Variants in ZGRF1 observed in about 807,000 individuals in gnomAD.
ZGRF1 encodes zinc finger GRF-type containing 1, also known as 5'-3' DNA helicase ZGRF1.
A neutral mutation model predicts 203.5 loss-of-function variants in ZGRF1; 196 were observed. The observed-to-expected ratio is 0.96, with a 90% CI of 0.86 to 1.08. The LOEUF (loss-of-function observed/expected upper bound fraction) is 1.08, where lower values mean the gene tolerates loss of function less well. Among genes scored for constraint, ZGRF1 ranks in the 50% least tolerant of loss-of-function variants. The probability of loss-of-function intolerance (pLI) is 0.00; values close to 1 mark genes in which losing one functional copy is unlikely to be tolerated. For synonymous variants in ZGRF1, 809 were observed against 841.3 expected, an observed-to-expected ratio of 0.96 and a Z score of 0.66; for missense variants, 2,326 against 2,416.3, an observed-to-expected ratio of 0.96 and a Z score of 0.78.
chr4:112,619,857 TC>T (rs1260409871), intron 5 of ZGRF1, 144 bp downstream of exon 5: 10 of 911,300 alleles, frequency 1.1e-5, no homozygotes, highest in African/African-American at 1.7e-5. Context: ...ATAAGATTTT[TC>T]AAAGTAGGGT....
chr4:112,623,964 A>G (rs940054578), intron 3 of ZGRF1, 88 bp from the exon 4 acceptor site: 8 of 680,078 alleles, frequency 1.2e-5, no homozygotes, highest in Middle Eastern at 2.4e-4. Flanking sequence ...TAATTGTTAT[A>G]TAAGTAATCA....
At chr4:112,586,001 G>C (rs1477518752) in intron 13 of ZGRF1, among the ~76,000 whole-genome samples, 1 of 152,038 alleles carries the variant, frequency 6.6e-6, no homozygotes, top group Non-Finnish European at 1.5e-5. Context: ...ACTTTGGGAG[G>C]CCAAGGCGAG....
intron 22 of ZGRF1, among the ~76,000 whole-genome samples, chr4:112,549,940 C>G (rs1220262519): frequency 6.6e-6 from 1 of 152,136 alleles, no homozygotes; most frequent in African/African-American, 2.4e-5. Context: ...AGCCTGTAAT[C>G]CCAGCACTTT....
chr4:112,541,705 T>G (rs1306197709), intron 24 of ZGRF1, among the ~76,000 whole-genome samples: 2 of 152,052 alleles, frequency 1.3e-5, no homozygotes, highest in Admixed American at 6.6e-5. Flanking sequence ...ATTTTTGTAT[T>G]TTTGTAGAGA....
rs1745864116 is a variant in ZGRF1, at chr4:112,579,681, A to C, written c.4438+1982T>G. 1.7e-5 allele frequency among the ~76,000 whole-genome samples: 2 copies of C among 121,122 alleles called. 1 individual carries two copies. The highest frequency in any genetic ancestry group is 3.7e-5 in the Non-Finnish European group (2 of 54,570). 79.5% of individuals were successfully genotyped at this position (121,122 alleles called of 152,430 possible). ...TGAACTCCCATTCACAATTGCTTCA[A>C]AGAGAATAAAATACCTAGGAATCCA... On this transcript the variant is annotated intron_variant, in intron 16 of 27. Coordinates refer to ENST00000505019, the MANE Select transcript of ZGRF1 (RefSeq NM_018392.5).
At chr4:112,547,211 A>C (rs2148830630) in intron 24 of ZGRF1, 74 bp downstream of exon 24, 1 of 1,403,216 alleles carries the variant, frequency 7.1e-7, no homozygotes, top group Non-Finnish European at 9.6e-7. Context: ...TAATATTTTC[A>C]TTCTCTATCA....
At chr4:112,603,436 T>C in intron 10 of ZGRF1, 88 bp downstream of exon 10, 2 of 845,428 alleles carry the variant, frequency 2.4e-6, no homozygotes, top group South Asian at 2.1e-5. Flanking sequence ...AACTTATAAC[T>C]GTATAAACAA....
Position 112,605,841 on chromosome 4 carries a change from G to C in ZGRF1, c.2802+167C>G, listed in dbSNP as rs1260783726. 3 of 585,508 alleles carry C rather than the reference G, an allele frequency of 5.1e-6. No individual in the cohort carries two copies. In the Admixed American group the frequency reaches 9.7e-5, roughly 19 times the overall value. 36.3% of individuals were successfully genotyped at this position (585,508 alleles called of 1,614,324 possible). On this transcript the variant is annotated intron_variant, in intron 9 of 27. Transcript: ENST00000505019. ...GAGAAAGTTTAAGACCAAAAAGGGGGGCAGGAGTCATTAAATAGTTTTTCT... is the reference window on the plus strand; with the variant it reads ...GAGAAAGTTTAAGACCAAAAAGGGGCGCAGGAGTCATTAAATAGTTTTTCT...
At chr4:112,565,295 G>A in intron 16 of ZGRF1, 4 of 1,523,836 alleles carry the variant, frequency 2.6e-6, no homozygotes, top group Non-Finnish European at 3.6e-6. Flanking sequence ...TATCTGGTTG[G>A]CCTTTTTGAA....
chr4:112,619,214 C>T lies in ZGRF1; in HGVS notation c.828G>A (p.Glu276=). The change falls in exon 6 of 28, where the codon GAG becomes GAA. Residue 276 remains glutamate, a synonymous_variant. Coordinates refer to ENST00000505019, the MANE Select transcript of ZGRF1 (RefSeq NM_018392.5). Reference sequence around the variant, plus strand: ...CTTGTGGTTGTTTTTGAGGAAAATGCTCTGTCATCTCAGAATTTAGTTCCT... The same window carrying T: ...CTTGTGGTTGTTTTTGAGGAAAATGTTCTGTCATCTCAGAATTTAGTTCCT... ...SCEELNSEMT[E]HFPQKQPQGS... is the part of the protein sequence containing the mutation. 1.2e-6 allele frequency: 2 copies of T among 1,613,172 alleles called. No individual in the cohort carries two copies. Among genetic ancestry groups the T allele is most frequent in the Non-Finnish European group, 8.5e-7 (1 of 1,179,956 alleles).
chr4:112,596,561 A>G (rs1485413325), intron 10 of ZGRF1, among the ~76,000 whole-genome samples: 1 of 152,028 alleles, frequency 6.6e-6, no homozygotes, highest in African/African-American at 2.4e-5. Context: ...CCTGAAGGAA[A>G]GCACATGACA....
intron 16 of ZGRF1, among the ~76,000 whole-genome samples, chr4:112,574,744 A>G (rs1189209318): frequency 6.6e-6 from 1 of 152,176 alleles, no homozygotes; most frequent in East Asian, 1.9e-4. Flanking sequence ...AAAAACACTC[A>G]ATGCTGGCCG....
intron 22 of ZGRF1, among the ~76,000 whole-genome samples, chr4:112,548,835 C>CTAATTCTAAACAA (rs1218045040): frequency 3.3e-5 from 3 of 91,968 alleles, no homozygotes; most frequent in African/African-American, 4.1e-5. Flanking sequence ...GTAAAGATGG[C>CTAATTCTAAACAA]CGGGCGCGGT....
At chr4:112,572,747 A>G (rs1466069007) in intron 16 of ZGRF1, among the ~76,000 whole-genome samples, 1 of 152,220 alleles carries the variant, frequency 6.6e-6, no homozygotes, top group East Asian at 1.9e-4. Flanking sequence ...GGCTAAGGAC[A>G]TGAATAGACA....
Position 112,565,406 on chromosome 4 carries a change from C to T in ZGRF1, c.4439-2132G>A, listed in dbSNP as rs934784250. 168 of 758,310 alleles carry T rather than the reference C, an allele frequency of 2.2e-4. 1 individual carries two copies. Among genetic ancestry groups the T allele is most frequent in the Non-Finnish European group, 4.5e-5 (20 of 448,718 alleles). 47.0% of individuals were successfully genotyped at this position (758,310 alleles called of 1,614,324 possible). A position where few individuals can be genotyped will look rare whatever the true frequency, so the allele number is the denominator to read the frequency against. ...CGTTGAGAATGTGCTTTAGAATCCA[C>T]TATGATGGGAAACATTTCATTCTCA... is the stretch of plus-strand genomic sequence containing the variant. On this transcript the variant is annotated intron_variant, in intron 16 of 27. Coordinates refer to ENST00000505019, the MANE Select transcript of ZGRF1 (RefSeq NM_018392.5).
At chr4:112,619,916 A>T (rs2047009464) in intron 5 of ZGRF1, 86 bp downstream of exon 5, 1 of 1,145,134 alleles carries the variant, frequency 8.7e-7, no homozygotes, top group African/African-American at 1.6e-5. Context: ...TTTGAATGAC[A>T]GAGTACAATA....
Position 112,539,403 on chromosome 4 carries a change from G to C in ZGRF1, c.*144C>G. ...ACTACCTTTTGTACACTTTTTTGAAGAACAAAATTTTTACATGTGTTTACT... is the reference window on the plus strand; with the variant it reads ...ACTACCTTTTGTACACTTTTTTGAACAACAAAATTTTTACATGTGTTTACT... On this transcript the variant is annotated 3_prime_UTR_variant, in exon 28 of 28. Transcript: ENST00000505019. 1 of 491,290 alleles carries C rather than the reference G, an allele frequency of 2.0e-6. No homozygotes were observed. Among genetic ancestry groups the C allele is most frequent in the Non-Finnish European group, 3.4e-6 (1 of 296,546 alleles). The allele number at this position is 491,290 out of a possible 1,614,324, so 30.4% of individuals were successfully genotyped here.
chr4:112,549,843 G>C (rs1306739456), intron 22 of ZGRF1, among the ~76,000 whole-genome samples: 3 of 152,020 alleles, frequency 2.0e-5, no homozygotes, highest in Non-Finnish European at 2.9e-5. Flanking sequence ...CCATAAGAAG[G>C]TATTGTTATC....
At chr4:112,611,266 G>T (rs1021361761) in intron 7 of ZGRF1, among the ~76,000 whole-genome samples, 12 of 152,104 alleles carry the variant, frequency 7.9e-5, no homozygotes, top group Non-Finnish European at 1.8e-4. Context: ...AGCTGGGTGT[G>T]GTGGCACGCA....
Sources: gnomAD v4.1 joint callset for allele counts (sites outside exome capture counted in the v4.1 genomes callset) on GRCh38, gnomAD v4.1.1 for gene constraint, MANE v1.5 for transcripts, NCBI Gene and HGNC (gene_info 2026-07-23, HGNC 2026-07-21) for gene names.